MTHFD1L: variants seen among roughly 807,000 people sequenced by gnomAD.
MTHFD1L encodes the protein monofunctional C1-tetrahydrofolate synthase, mitochondrial.
A neutral mutation model predicts 119.5 loss-of-function variants in MTHFD1L; 81 were observed. That is an observed-to-expected ratio of 0.68 (90% CI 0.57 to 0.82). The LOEUF (loss-of-function observed/expected upper bound fraction) is 0.82. Among genes scored for constraint, MTHFD1L ranks in the 40% least tolerant of loss-of-function variants. The pLI, the probability that MTHFD1L is intolerant of heterozygous loss-of-function variation, is 0.00. For synonymous variants in MTHFD1L, 430 were observed against 475.2 expected, an observed-to-expected ratio of 0.90 and a Z score of 1.24; for missense variants, 1,125 against 1,253.4, an observed-to-expected ratio of 0.90 and a Z score of 1.55.
chr6:151,075,096 A>G (rs1235654774), intron 26 of MTHFD1L, among the ~76,000 whole-genome samples: 1 of 152,198 alleles, frequency 6.6e-6, no homozygotes, highest in Admixed American at 6.5e-5. Context: ...AAAAGGAACA[A>G]AGAACAGATA....
At chr6:150,985,723 CCTT>C (rs1562497217) in intron 20 of MTHFD1L, among the ~76,000 whole-genome samples, 2 of 150,474 alleles carry the variant, frequency 1.3e-5, no homozygotes, top group Non-Finnish European at 3.0e-5. Context: ...TTAAGGTAAT[CCTT>C]CTTGAAAGGC....
At chr6:150,968,125 G>A (rs1797493447) in intron 19 of MTHFD1L, among the ~76,000 whole-genome samples, 1 of 152,040 alleles carries the variant, frequency 6.6e-6, no homozygotes, top group Non-Finnish European at 1.5e-5. Context: ...AGAAGCCACA[G>A]GAATGTGCAG....
At chr6:151,068,089 C>T (rs1791531100) in intron 26 of MTHFD1L, among the ~76,000 whole-genome samples, 1 of 152,252 alleles carries the variant, frequency 6.6e-6, no homozygotes, top group Admixed American at 6.5e-5. Flanking sequence ...TAACACAATT[C>T]TGATTCACGC....
At position 150,887,909 on chromosome 6, in the gene MTHFD1L, A is replaced by G. The variant is rs370852407; in HGVS notation, c.708A>G (p.Leu236=). 4.3e-6 allele frequency: 7 copies of G among 1,611,188 alleles called. No homozygotes were observed. The Admixed American group carries it at 5.0e-5, about 12-fold the overall frequency. Reference sequence around the variant, plus strand: ...CCCATGGGTCTTTGGAAGCTGCTCTACAATGCCTGTTCCAGAGAAAAGGGT... The same window carrying G: ...CCCATGGGTCTTTGGAAGCTGCTCTGCAATGCCTGTTCCAGAGAAAAGGGT... ...VGAHGSLEAA[L]QCLFQRKGSM... Residue 236 remains leucine, a synonymous_variant, in exon 7 of 28, where the codon CTA becomes CTG. Transcript: ENST00000367321.
chr6:150,951,040 TTTTG>T (rs1583751631), intron 16 of MTHFD1L, among the ~76,000 whole-genome samples: 1 of 138,886 alleles, frequency 7.2e-6, no homozygotes, highest in Non-Finnish European at 1.6e-5. Flanking sequence ...ATGGTTTTTT[TTTTG>T]TTTTTTTTTT....
At chr6:151,070,195 T>G (rs1361281586) in intron 26 of MTHFD1L, among the ~76,000 whole-genome samples, 2 of 152,232 alleles carry the variant, frequency 1.3e-5, no homozygotes, top group Admixed American at 1.3e-4. Context: ...TGGCAAATGA[T>G]AATCCACAAA....
At chr6:150,993,001 T>G (rs1779259337) in intron 20 of MTHFD1L, among the ~76,000 whole-genome samples, 1 of 152,162 alleles carries the variant, frequency 6.6e-6, no homozygotes, top group South Asian at 2.1e-4. Flanking sequence ...GGTTTTAAAT[T>G]TTTTCGTATG....
At chr6:151,015,049 T>G (rs1782830406) in intron 23 of MTHFD1L, 69 bp downstream of exon 23, 3 of 1,253,150 alleles carry the variant, frequency 2.4e-6, no homozygotes, top group Admixed American at 4.1e-5. Flanking sequence ...TATTTGTGTC[T>G]TGGGGTATTT....
intron 20 of MTHFD1L, among the ~76,000 whole-genome samples, chr6:150,997,996 CTG>C (rs1780048255): frequency 6.6e-6 from 1 of 152,190 alleles, no homozygotes; most frequent in Admixed American, 6.5e-5. Context: ...GAGGTAGACT[CTG>C]TGCCTGTGAC....
intron 26 of MTHFD1L, among the ~76,000 whole-genome samples, chr6:151,085,194 T>C (rs80296831): frequency 0.02 from 3,101 of 151,826 alleles, 83 homozygotes; most frequent in South Asian, 0.11. Context: ...GTTGAAAATA[T>C]TTTAAGTAAA....
rs1786088495 is a variant in MTHFD1L, at chr6:151,035,896, C to A, written c.2695-1069C>A. 3.3e-5 allele frequency among the ~76,000 whole-genome samples: 5 copies of A among 152,078 alleles called. No homozygotes were observed. The South Asian group carries it at 1.0e-3, about 32-fold the overall frequency. The stretch of plus-strand genomic sequence containing the variant: ...AAATTACTTCAATATTTAACCATGT[C>A]TGAAATTTAAAATTCTGGCACCATT... On this transcript the variant is annotated intron_variant, in intron 25 of 27. Transcript: ENST00000367321.
chr6:151,028,188 G>A (rs879178813), intron 24 of MTHFD1L, among the ~76,000 whole-genome samples: 2 of 152,080 alleles, frequency 1.3e-5, no homozygotes, highest in Non-Finnish European at 2.9e-5. Flanking sequence ...GGGTGGTCGC[G>A]CTTGTCCTAC....
Position 150,877,635 on chromosome 6 carries a change from C to T in MTHFD1L, c.314C>T (p.Ala105Val). Residue 105 changes from alanine (A) to valine (V), a missense_variant and splice_region_variant, in exon 3 of 28, where the codon GCA becomes GTA. By Grantham distance (64) the Ala-to-Val change is moderately conservative. Coordinates refer to ENST00000367321, the MANE Select transcript of MTHFD1L (RefSeq NM_015440.5). ...TTATGTTGTTTTTACCTTCCTAAGGCAGGTGACGACAACTTGATGCAGGAA... is the reference window on the plus strand; with the variant it reads ...TTATGTTGTTTTTACCTTCCTAAGGTAGGTGACGACAACTTGATGCAGGAA... ...AFKPVLAIIQAGDDNLMQEIN... is the reference protein window; with the variant it reads ...AFKPVLAIIQVGDDNLMQEIN... 1 of 1,614,068 alleles carries T rather than the reference C, an allele frequency of 6.2e-7. No individual in the cohort carries two copies. Among genetic ancestry groups the T allele is most frequent in the South Asian group, 1.1e-5 (1 of 91,078 alleles).
chr6:151,058,162 A>T (rs559028893), intron 26 of MTHFD1L, among the ~76,000 whole-genome samples: 1 of 152,304 alleles, frequency 6.6e-6, no homozygotes, highest in East Asian at 1.9e-4. Context: ...GCTCATTTCC[A>T]TACCTAGCAA....
intron 11 of MTHFD1L, among the ~76,000 whole-genome samples, chr6:150,931,524 T>A (rs1472046913): frequency 6.6e-6 from 1 of 152,180 alleles, no homozygotes; most frequent in Middle Eastern, 3.2e-3. Context: ...TCAAGTGTAA[T>A]GAGAAACATA....
chr6:150,931,088 G>A (rs1790951382), intron 11 of MTHFD1L, among the ~76,000 whole-genome samples: 2 of 152,172 alleles, frequency 1.3e-5, no homozygotes, highest in Admixed American at 1.3e-4. Context: ...TTGACTTGGA[G>A]TGCAGCTGCA....
intron 23 of MTHFD1L, 123 bp from the exon 24 acceptor site, chr6:151,015,393 C>T: frequency 9.1e-7 from 1 of 1,094,916 alleles, no homozygotes; most frequent in Non-Finnish European, 1.3e-6. Flanking sequence ...ACGATGTGAC[C>T]ACTTTTGATG....
chr6:151,014,559 T>A (rs3818056), intron 22 of MTHFD1L, among the ~76,000 whole-genome samples: 54,391 of 152,088 alleles, frequency 0.36, 10,211 homozygotes, highest in East Asian at 0.58. Flanking sequence ...GAATACCTGG[T>A]CAGAGCTCCT....
chr6:150,896,159 A>G (rs1784170255), intron 7 of MTHFD1L, among the ~76,000 whole-genome samples: 2 of 152,226 alleles, frequency 1.3e-5, no homozygotes, highest in Non-Finnish European at 2.9e-5. Flanking sequence ...AGATCATCAC[A>G]TAAAGTCTAA....
Sources: gnomAD v4.1 joint callset for allele counts (sites outside exome capture counted in the v4.1 genomes callset) on GRCh38, gnomAD v4.1.1 for gene constraint, MANE v1.5 for transcripts, NCBI Gene and HGNC (gene_info 2026-07-23, HGNC 2026-07-21) for gene names.